Variants in FGF14 observed in about 807,000 individuals in gnomAD.
FGF14 encodes the protein fibroblast growth factor 14.
Under a neutral mutation model 25.5 loss-of-function variants are expected in FGF14, and 5 were observed. The ratio of observed to expected loss-of-function variants is 0.20; its 90% CI spans 0.10 to 0.41. FGF14 has a LOEUF of 0.41. FGF14 is among the 10% of genes least tolerant of loss of function. The pLI is 1.00. For missense variants in FGF14, 222 were observed against 320.1 expected (o/e 0.69, Z 2.34); for synonymous variants, 138 against 118.3 (o/e 1.17, Z -1.08).
chr13:102,150,239 T>C (rs1035030635), intron 1 of FGF14, among the ~76,000 whole-genome samples: 1 of 151,986 alleles, frequency 6.6e-6, no homozygotes, highest in African/African-American at 2.4e-5. Flanking sequence ...CTAAAATCTA[T>C]GAAGCCCTAA....
Position 102,051,353 on chromosome 13 carries a change from G to A in FGF14, c.209-176057C>T, listed in dbSNP as rs180905389. Among the ~76,000 whole-genome samples, 3 of 152,236 alleles carry A rather than the reference G, an allele frequency of 2.0e-5. No individual in the cohort carries two copies. In the East Asian group the frequency reaches 5.8e-4, roughly 29 times the overall value. ...GTAGTGGGGAGTGCCTGTACCCTGAGTATCATTGCCATTACTTTCCCGGAT... is the reference window on the plus strand; with the variant it reads ...GTAGTGGGGAGTGCCTGTACCCTGAATATCATTGCCATTACTTTCCCGGAT... On this transcript the variant is annotated intron_variant, in intron 1 of 4. Transcript: ENST00000376131.
chr13:101,820,998 A>G (rs1265541664), intron 3 of FGF14, among the ~76,000 whole-genome samples: 1 of 146,004 alleles, frequency 6.8e-6, no homozygotes, highest in Admixed American at 6.9e-5. Flanking sequence ...CCCAGGCTGG[A>G]GTGCAGTGGC....
chr13:102,400,983 G>A lies in FGF14; in HGVS notation c.208+488C>T, dbSNP rs1280140529. Among the ~76,000 whole-genome samples, 1 of 152,252 alleles carries A rather than the reference G, an allele frequency of 6.6e-6. No individual in the cohort carries two copies. Among genetic ancestry groups the A allele is most frequent in the South Asian group, 2.1e-4 (1 of 4,810 alleles). ...GAGGAGCGGGGCCGCGAGGGAGGGG[G>A]CCTCTTTTACTTTGGTAAAGGTGAT... On this transcript the variant is annotated intron_variant, in intron 1 of 4. Coordinates refer to the FGF14 transcript ENST00000376131. The surrounding 1 kb of genome is among the most constrained non-coding windows in gnomAD (Gnocchi z 4.3).
chr13:102,252,087 T>C (rs2052208056), intron 1 of FGF14, among the ~76,000 whole-genome samples: 1 of 152,140 alleles, frequency 6.6e-6, no homozygotes. Context: ...TGGACCATGT[T>C]AGGAAGGAAG....
intron 1 of FGF14, among the ~76,000 whole-genome samples, chr13:101,878,873 G>C (rs557206283): frequency 6.6e-6 from 1 of 151,898 alleles, no homozygotes; most frequent in South Asian, 2.1e-4. Flanking sequence ...GTAAAAAAAT[G>C]CTCATTTTTT....
At chr13:101,897,114 C>T (rs2030810851) in intron 1 of FGF14, among the ~76,000 whole-genome samples, 2 of 152,008 alleles carry the variant, frequency 1.3e-5, no homozygotes, top group Admixed American at 6.6e-5. Flanking sequence ...ATTATGTGTA[C>T]AGGAGAAGAA....
upstream of FGF14, among the ~76,000 whole-genome samples, chr13:101,919,037 T>C (rs2033796599): frequency 6.6e-6 from 1 of 152,012 alleles, no homozygotes; most frequent in African/African-American, 2.4e-5. Context: ...ATATGTCTCT[T>C]TTCTTCCATT....
At chr13:102,161,403 C>A (rs1007651999) in intron 1 of FGF14, among the ~76,000 whole-genome samples, 1 of 151,958 alleles carries the variant, frequency 6.6e-6, no homozygotes, top group African/African-American at 2.4e-5. Context: ...ACCACTGTAT[C>A]CCTAGTGTCT....
chr13:102,282,048 C>T (rs1399016975), intron 1 of FGF14, among the ~76,000 whole-genome samples: 1 of 146,482 alleles, frequency 6.8e-6, no homozygotes, highest in East Asian at 2.1e-4. Context: ...CTTGCCGCTT[C>T]TCCTAACCCT....
At chr13:102,033,649 C>G (rs1045803199) in intron 1 of FGF14, among the ~76,000 whole-genome samples, 1 of 152,086 alleles carries the variant, frequency 6.6e-6, no homozygotes, top group African/African-American at 2.4e-5. Context: ...GCTACCCATG[C>G]TGAAACATAA....
chr13:102,166,023 C>T (rs1015126672), intron 1 of FGF14, among the ~76,000 whole-genome samples: 5 of 151,472 alleles, frequency 3.3e-5, no homozygotes, highest in Admixed American at 2.0e-4. Flanking sequence ...CCATCACCAT[C>T]GTCCATCTCC....
intron 1 of FGF14, among the ~76,000 whole-genome samples, chr13:102,048,877 G>A (rs1054547685): frequency 5.9e-5 from 9 of 152,124 alleles, no homozygotes; most frequent in African/African-American, 1.7e-4. Flanking sequence ...GATTACTCTG[G>A]ATTCCAACTC....
At chr13:102,344,480 A>T (rs918551388) in intron 1 of FGF14, among the ~76,000 whole-genome samples, 56 of 152,268 alleles carry the variant, frequency 3.7e-4, no homozygotes, top group African/African-American at 1.4e-3. Context: ...TGTATTTTTA[A>T]AAATCAAACT....
chr13:101,959,409 G>T (rs1297119978), intron 1 of FGF14, among the ~76,000 whole-genome samples: 2 of 152,044 alleles, frequency 1.3e-5, no homozygotes, highest in Non-Finnish European at 2.9e-5. Context: ...TTAACTACAG[G>T]TATATTACTG....
At chr13:101,784,951 A>G (rs2039717826) in intron 3 of FGF14, among the ~76,000 whole-genome samples, 1 of 152,172 alleles carries the variant, frequency 6.6e-6, no homozygotes, top group African/African-American at 2.4e-5. Flanking sequence ...GGCCCCAGAC[A>G]TCTATTTCAT....
chr13:102,006,818 C>T (rs899554284), intron 1 of FGF14, among the ~76,000 whole-genome samples: 1 of 138,690 alleles, frequency 7.2e-6, no homozygotes, highest in African/African-American at 2.7e-5. Flanking sequence ...AATCTCGGCT[C>T]ACTGCAAGCT....
intron 1 of FGF14, among the ~76,000 whole-genome samples, chr13:102,230,128 G>A (rs1348101768): frequency 2.0e-5 from 3 of 152,118 alleles, no homozygotes; most frequent in African/African-American, 7.2e-5. Flanking sequence ...TTATAAGAAG[G>A]TCCGAGGGAG....
chr13:101,960,820 G>C (rs527324996), intron 1 of FGF14, among the ~76,000 whole-genome samples: 1 of 152,300 alleles, frequency 6.6e-6, no homozygotes, highest in South Asian at 2.1e-4. Context: ...CAGGGTAAAA[G>C]TATTCCTATT....
chr13:101,765,795 T>A (rs915535681), intron 3 of FGF14, among the ~76,000 whole-genome samples: 6 of 152,064 alleles, frequency 3.9e-5, no homozygotes, highest in Non-Finnish European at 8.8e-5. Context: ...AGTGGTGCGA[T>A]CTCGGCTCAC....
Sources: gnomAD v4.1 joint callset for allele counts (sites outside exome capture counted in the v4.1 genomes callset) on GRCh38, gnomAD v4.1.1 for gene constraint, Gnocchi (gnomAD v3.1) non-coding constraint, MANE v1.5 for transcripts, NCBI Gene and HGNC (gene_info 2026-07-23, HGNC 2026-07-21) for gene names.